The following KANSL1 variants were observed in gnomAD, a reference collection of about 807,000 sequenced individuals.
The protein encoded by KANSL1 is KAT8 regulatory NSL complex subunit 1.
Under a neutral mutation model 103.6 loss-of-function variants are expected in KANSL1, and 22 were observed. The ratio of observed to expected loss-of-function variants is 0.21; its 90% CI spans 0.15 to 0.30. The LOEUF is 0.30. Ranked by LOEUF, KANSL1 falls within the 10% of genes least tolerant of loss-of-function variation. KANSL1 has a pLI of 1.00. For synonymous variants in KANSL1, 600 were observed against 527.6 expected, an observed-to-expected ratio of 1.14 and a Z score of -1.88; for missense variants, 1,337 against 1,399.8, an observed-to-expected ratio of 0.96 and a Z score of 0.72.
chr17:46,219,015 C>A (rs2048429138), intron 1 of KANSL1, among the ~76,000 whole-genome samples: 2 of 152,024 alleles, frequency 1.3e-5, no homozygotes, highest in African/African-American at 4.8e-5. Context: ...AATCCCAGCA[C>A]TTTGGGAGGC....
At chr17:46,165,133 A>G (rs1053106633) in intron 2 of KANSL1, among the ~76,000 whole-genome samples, 1 of 152,258 alleles carries the variant, frequency 6.6e-6, no homozygotes, top group African/African-American at 2.4e-5. Flanking sequence ...ACAAACATAC[A>G]TAAAAAGTAA....
intron 1 of KANSL1, among the ~76,000 whole-genome samples, chr17:46,182,669 C>T (rs1483873603): frequency 6.6e-6 from 1 of 152,246 alleles, no homozygotes; most frequent in Non-Finnish European, 1.5e-5. Flanking sequence ...TGCTAAGTAT[C>T]TTACATATAT....
chr17:46,219,822 G>A (rs866906170), intron 1 of KANSL1, among the ~76,000 whole-genome samples: 5 of 152,184 alleles, frequency 3.3e-5, no homozygotes, highest in Non-Finnish European at 7.3e-5. Context: ...CTATTCTCTC[G>A]GCTGGGCACG....
At chr17:46,151,771 A>C (rs2045119170) in intron 2 of KANSL1, among the ~76,000 whole-genome samples, 2 of 152,262 alleles carry the variant, frequency 1.3e-5, no homozygotes, top group South Asian at 4.1e-4. Flanking sequence ...TAAATCTAGC[A>C]TGTTGAGGCT....
At chr17:46,162,984 T>G (rs960017030) in intron 2 of KANSL1, among the ~76,000 whole-genome samples, 1 of 152,170 alleles carries the variant, frequency 6.6e-6, no homozygotes. Flanking sequence ...ATCCTTCAGG[T>G]CTCAGCTTAC....
intron 2 of KANSL1, among the ~76,000 whole-genome samples, chr17:46,138,767 C>G (rs2044276967): frequency 6.6e-6 from 1 of 152,200 alleles, no homozygotes; most frequent in Non-Finnish European, 1.5e-5. Flanking sequence ...TATTCCTCAC[C>G]TGATCCAAGG....
At chr17:46,184,837 CTTTTTT>C (rs66507225) in intron 1 of KANSL1, among the ~76,000 whole-genome samples, 16,835 of 128,634 alleles carry the variant, frequency 0.13, 38 homozygotes, top group Middle Eastern at 0.21. Context: ...AGAGTATGTA[CTTTTTT>C]TTTTTTTTTT....
chr17:46,185,688 T>TACAC (rs1567781864), intron 1 of KANSL1, among the ~76,000 whole-genome samples: 1 of 62,314 alleles, frequency 1.6e-5, no homozygotes, highest in African/African-American at 4.6e-5. Context: ...TACACACACA[T>TACAC]ATATACACAC....
At chr17:46,115,488 G>T (rs2043005071) in intron 2 of KANSL1, among the ~76,000 whole-genome samples, 1 of 151,906 alleles carries the variant, frequency 6.6e-6, no homozygotes, top group African/African-American at 2.4e-5. Flanking sequence ...CACCCCCACT[G>T]TACTGCTCCT....
chr17:46,168,009 G>A (rs763071967), intron 2 of KANSL1, among the ~76,000 whole-genome samples: 1 of 152,220 alleles, frequency 6.6e-6, no homozygotes, highest in Non-Finnish European at 1.5e-5. Context: ...ACGAAACCTA[G>A]CCCACCACTC....
chr17:46,108,873 ACT>A (rs1456524542), intron 2 of KANSL1, among the ~76,000 whole-genome samples: 5 of 152,176 alleles, frequency 3.3e-5, no homozygotes, highest in Admixed American at 3.3e-4. Flanking sequence ...TATAGTCCAC[ACT>A]CTTAGTCCAA....
At chr17:46,034,008 T>C (rs996676680) in intron 11 of KANSL1, among the ~76,000 whole-genome samples, 153 bp downstream of exon 11, 6 of 152,186 alleles carry the variant, frequency 3.9e-5, no homozygotes, top group African/African-American at 1.2e-4. Flanking sequence ...GAGAACTATA[T>C]ACAGAAATAA....
At chr17:46,176,147 C>A (rs1214732589) in intron 1 of KANSL1, among the ~76,000 whole-genome samples, 1 of 152,334 alleles carries the variant, frequency 6.6e-6, no homozygotes, top group Non-Finnish European at 1.5e-5. Context: ...TACTGCCTGA[C>A]AGCACTACAG....
chr17:46,071,839 A>G (rs1040584574), intron 4 of KANSL1, among the ~76,000 whole-genome samples: 2 of 147,112 alleles, frequency 1.4e-5, no homozygotes, highest in Non-Finnish European at 3.1e-5. Context: ...TCCCACAGCC[A>G]GAAAGAAAGA....
At chr17:46,139,296 CAA>C (rs370375207) in intron 2 of KANSL1, among the ~76,000 whole-genome samples, 25 of 139,464 alleles carry the variant, frequency 1.8e-4, no homozygotes, top group South Asian at 2.3e-4. Flanking sequence ...TTTCATAGGC[CAA>C]AAAAAAAAAA....
chr17:46,048,885 A>C (rs556576379), intron 7 of KANSL1, among the ~76,000 whole-genome samples: 1 of 152,356 alleles, frequency 6.6e-6, no homozygotes, highest in East Asian at 1.9e-4. Context: ...TTGAAAAAAA[A>C]AACTTCTTTT....
At chr17:46,183,149 T>TG in intron 1 of KANSL1, among the ~76,000 whole-genome samples, 1 of 152,316 alleles carries the variant, frequency 6.6e-6, no homozygotes, top group Non-Finnish European at 1.5e-5. Context: ...GAGTAGGAGC[T>TG]GGGTGCAGTG....
At chr17:46,093,831 G>A (rs957315642) in intron 3 of KANSL1, 2 of 152,232 alleles carry the variant, frequency 1.3e-5, no homozygotes, top group African/African-American at 4.8e-5. Flanking sequence ...AAGAATGTAA[G>A]CTTCATGAAG....
intron 2 of KANSL1, among the ~76,000 whole-genome samples, chr17:46,168,197 A>G (rs2046099607): frequency 1.3e-5 from 2 of 152,348 alleles, no homozygotes; most frequent in South Asian, 2.1e-4. Context: ...CTCCATTCTC[A>G]TTGTCTGGTC....
Sources: allele counts gnomAD v4.1 joint callset (sites outside exome capture counted in the v4.1 genomes callset), GRCh38; gene constraint gnomAD v4.1.1; transcripts MANE v1.5; gene names NCBI Gene and HGNC (gene_info 2026-07-23, HGNC 2026-07-21).